The following WDR44 variants were observed in gnomAD, a reference collection of about 807,000 sequenced individuals.
WDR44 encodes the protein WD repeat domain 44.
Under a neutral mutation model 65.7 loss-of-function variants are expected in WDR44, and 9 were observed. The observed-to-expected ratio is 0.14, with a 90% CI of 0.08 to 0.24. WDR44 has a LOEUF of 0.24. Among genes scored for constraint, WDR44 ranks in the 10% least tolerant of loss-of-function variants. WDR44 has a pLI of 1.00. For synonymous variants in WDR44, 220 were observed against 235.2 expected (o/e 0.94, Z 0.59); for missense variants, 425 against 670.9 (o/e 0.63, Z 4.05).
At chrX:118,405,033 G>T (rs1015743516) in intron 9 of WDR44, among the ~76,000 whole-genome samples, 8 of 110,206 alleles carry the variant, frequency 7.3e-5, no homozygotes, top group African/African-American at 2.7e-4. Context: ...TTGGTTTTGG[G>T]TTTTTCTTTT....
intron 13 of WDR44, 106 bp from the exon 14 acceptor site, chrX:118,436,596 C>A: frequency 1.1e-6 from 1 of 879,145 alleles, no homozygotes; most frequent in Non-Finnish European, 1.7e-6. Context: ...CTGCATTTAA[C>A]AATAACAAAA....
At chrX:118,387,181 C>CAAAAA (rs61229618) in intron 2 of WDR44, among the ~76,000 whole-genome samples, 159 bp from the exon 3 acceptor site, 7 of 38,277 alleles carry the variant, frequency 1.8e-4, no homozygotes, top group South Asian at 1.5e-3. Context: ...AACTCTGTCT[C>CAAAAA]AAAAAAAAAA....
intron 12 of WDR44, among the ~76,000 whole-genome samples, chrX:118,428,383 T>C (rs1323300977): frequency 9.0e-6 from 1 of 110,560 alleles, no homozygotes; most frequent in Non-Finnish European, 1.9e-5. Context: ...CAAGCAATCC[T>C]CCTGCCTCAG....
At chrX:118,434,048 G>C (rs1447827167) in intron 13 of WDR44, among the ~76,000 whole-genome samples, 1 of 112,269 alleles carries the variant, frequency 8.9e-6, no homozygotes, top group Non-Finnish European at 1.9e-5. Context: ...TTACTCTCTA[G>C]CCCATTCCAG....
chrX:118,351,378 C>G (rs1278400930), intron 1 of WDR44, among the ~76,000 whole-genome samples: 1 of 111,921 alleles, frequency 8.9e-6, no homozygotes, highest in East Asian at 2.8e-4. Context: ...CAGCTTCTCA[C>G]TTTACTTAGG....
chrX:118,353,866 G>T (rs1453695347), intron 1 of WDR44, among the ~76,000 whole-genome samples: 1 of 112,252 alleles, frequency 8.9e-6, no homozygotes, highest in African/African-American at 3.2e-5. Context: ...TAACAAAAAT[G>T]ATTTCTATAG....
In WDR44 at chrX:118,443,562, A is replaced by G. The variant is rs768607813; in HGVS notation, c.2387A>G (p.His796Arg). The change falls in exon 18 of 20, where the codon CAT becomes CGT. Residue 796 changes from histidine to arginine, a missense_variant and splice_region_variant. By Grantham distance (29) the His-to-Arg change is conservative (BLOSUM62 0). Transcript: ENST00000254029. ...TTTCCTTTCTCCCCAAAATTCAGCC[A>G]TGATTTTACTTACCTCGTTAGTGGT... ...SSSQIKASFS[H>R]DFTYLVSGSE... is the part of the protein sequence containing the mutation. The G allele has an allele frequency of 8.3e-7, 1 of 1,208,819 alleles. No individual in the cohort carries two copies. The highest frequency in any genetic ancestry group is 1.1e-6 in the Non-Finnish European group (1 of 893,781).
intron 1 of WDR44, among the ~76,000 whole-genome samples, chrX:118,355,067 G>A (rs1379666356): frequency 8.9e-6 from 1 of 111,800 alleles, no homozygotes; most frequent in Non-Finnish European, 1.9e-5. Context: ...GGAAGACTAA[G>A]GGAATCATCT....
intron 1 of WDR44, among the ~76,000 whole-genome samples, chrX:118,376,900 G>A (rs941837278): frequency 9.0e-6 from 1 of 110,508 alleles, no homozygotes; most frequent in Non-Finnish European, 1.9e-5. Flanking sequence ...GTACTTGGGA[G>A]GCTGAGGTGG....
chrX:118,359,590 A>C (rs2056494152), intron 1 of WDR44, among the ~76,000 whole-genome samples: 1 of 112,296 alleles, frequency 8.9e-6, no homozygotes. Context: ...ATTACCCTGT[A>C]TGTGAACAGA....
chrX:118,384,352 A>G (rs1322965248), intron 2 of WDR44, among the ~76,000 whole-genome samples: 2 of 111,926 alleles, frequency 1.8e-5, no homozygotes, highest in Admixed American at 1.9e-4. Flanking sequence ...AAAAATAAGC[A>G]AGTAAATAAG....
At chrX:118,405,868 T>C (rs1393631390) in intron 9 of WDR44, among the ~76,000 whole-genome samples, 3 of 111,786 alleles carry the variant, frequency 2.7e-5, no homozygotes, top group East Asian at 2.8e-4. Flanking sequence ...GGGCGAGGCA[T>C]GGTGGCTCAT....
At chrX:118,427,109 A>G (rs1210671048) in intron 12 of WDR44, among the ~76,000 whole-genome samples, 2 of 111,072 alleles carry the variant, frequency 1.8e-5, no homozygotes, top group Admixed American at 9.7e-5. Context: ...CTATAAATAT[A>G]CATATATATT....
At position 118,378,444 on chromosome X, in the gene WDR44, A is replaced by G. The variant is rs1207605930; in HGVS notation, c.103A>G (p.Thr35Ala). ...VGSPGKVGLS[T>A]FKETENTAYK... ...GTCTCCAGGAAAAGTTGGGCTTTCA[A>G]CATTCAAGGTAAGTTGTGCTTTCTG... The change falls in exon 2 of 20, where the codon ACA becomes GCA. Residue 35 changes from threonine (T) to alanine (A), a missense_variant. Transcript: ENST00000254029. 3.3e-6 allele frequency: 4 copies of G among 1,208,403 alleles called. No individual in the cohort carries two copies. Among genetic ancestry groups the G allele is most frequent in the Admixed American group, 2.2e-5 (1 of 45,921 alleles).
At chrX:118,412,777 G>C (rs1471587784) in intron 12 of WDR44, among the ~76,000 whole-genome samples, 2 of 111,390 alleles carry the variant, frequency 1.8e-5, no homozygotes, top group Non-Finnish European at 3.8e-5. Flanking sequence ...GTTCTTTAGT[G>C]ATTTTGGTGC....
intron 1 of WDR44, among the ~76,000 whole-genome samples, chrX:118,374,274 G>C (rs2056638733): frequency 9.0e-6 from 1 of 111,673 alleles, no homozygotes; most frequent in African/African-American, 3.3e-5. Flanking sequence ...AGGGTGAAAT[G>C]AATTGGTTTT....
chrX:118,375,969 A>G (rs779338490), intron 1 of WDR44, among the ~76,000 whole-genome samples: 37 of 112,092 alleles, frequency 3.3e-4, no homozygotes, highest in Admixed American at 1.3e-3. Flanking sequence ...TTGTTTTGAG[A>G]CAAGGTCTCG....
At chrX:118,348,043 T>G (rs1451956995) in intron 1 of WDR44, among the ~76,000 whole-genome samples, 1 of 111,369 alleles carries the variant, frequency 9.0e-6, no homozygotes, top group East Asian at 2.8e-4. Flanking sequence ...TTTGGTACTT[T>G]TGTGTGTGTG....
In WDR44 at chrX:118,410,931, G is replaced by A. The variant is rs1217972132; in HGVS notation, c.1709G>A (p.Ser570Asn). The part of the protein sequence containing the change: ...VSPSPSQESL[S>N]SSKSDTDTGV... ...CCATCACCCTCTCAGGAAAGTCTAA[G>A]TTCATCAAAATCGGATACAGATACA... is the stretch of plus-strand genomic sequence containing the variant. Residue 570 changes from serine to asparagine, a missense_variant, in exon 12 of 20, where the codon AGT becomes AAT. By Grantham distance (46) the Ser-to-Asn change is conservative. Around this residue, in one of 5 missense-constraint regions of WDR44, gnomAD observed 45 missense variants for 50.0 expected, o/e 0.90. Coordinates refer to ENST00000254029, the MANE Select transcript of WDR44 (RefSeq NM_019045.5). The A allele has an allele frequency of 8.3e-7, 1 of 1,200,977 alleles. No individual in the cohort carries two copies. Among genetic ancestry groups the A allele is most frequent in the Non-Finnish European group, 1.1e-6 (1 of 891,626 alleles).
Sources: allele counts gnomAD v4.1 joint callset (sites outside exome capture counted in the v4.1 genomes callset), GRCh38; gene constraint gnomAD v4.1.1; regional missense constraint gnomAD v4.1.1; transcripts MANE v1.5; gene names NCBI Gene and HGNC (gene_info 2026-07-23, HGNC 2026-07-21).